USP48: variants seen among roughly 807,000 people sequenced by gnomAD.
USP48 encodes the protein ubiquitin carboxyl-terminal hydrolase 48.
A neutral mutation model predicts 150.7 loss-of-function variants in USP48; 43 were observed. The observed-to-expected ratio is 0.29, with a 90% CI of 0.22 to 0.37. The LOEUF (loss-of-function observed/expected upper bound fraction) is 0.37, where lower values mean the gene tolerates loss of function less well. Ranked by LOEUF, USP48 falls within the 10% of genes least tolerant of loss-of-function variation. The pLI is 1.00. For synonymous variants in USP48, 396 were observed against 425.9 expected (o/e 0.93, Z 0.86); for missense variants, 813 against 1,249.6 (o/e 0.65, Z 5.27).
intron 22 of USP48, among the ~76,000 whole-genome samples, chr1:21,699,731 G>C (rs2152512122): frequency 6.6e-6 from 1 of 151,810 alleles, no homozygotes; most frequent in Admixed American, 6.6e-5. Flanking sequence ...GGCCAGGCTG[G>C]TGTCGAACTC....
At chr1:21,778,972 G>A (rs184362587) in intron 1 of USP48, among the ~76,000 whole-genome samples, 5 of 151,956 alleles carry the variant, frequency 3.3e-5, no homozygotes, top group East Asian at 1.9e-4. Flanking sequence ...TAGTAGAGAC[G>A]GAGTTTCACC....
intron 1 of USP48, among the ~76,000 whole-genome samples, chr1:21,771,145 T>C (rs534228207): frequency 6.6e-6 from 1 of 151,768 alleles, no homozygotes; most frequent in East Asian, 1.9e-4. Context: ...AAAATACAAA[T>C]AATTTTTTAA....
chr1:21,721,186 T>C lies in USP48; in HGVS notation c.1764-20A>G. The C allele has an allele frequency of 1.2e-6, 2 of 1,613,072 alleles. No homozygotes were observed. The highest frequency in any genetic ancestry group is 8.5e-7 in the Non-Finnish European group (1 of 1,179,378). ...TCGCTGCTGTGGAACAGAGAGAATG[T>C]TAAATCATATAAGTAATATTTCCAA... is the stretch of plus-strand genomic sequence containing the variant. On this transcript the variant is annotated intron_variant, in intron 13 of 26. Transcript: ENST00000308271.
chr1:21,714,554 C>G (rs192222573), intron 15 of USP48, among the ~76,000 whole-genome samples: 1 of 152,276 alleles, frequency 6.6e-6, no homozygotes, highest in African/African-American at 2.4e-5. Context: ...CAAGCTACAG[C>G]ACTCAGTGCT....
intron 8 of USP48, among the ~76,000 whole-genome samples, chr1:21,746,334 G>T (rs2097794477): frequency 6.6e-6 from 1 of 152,102 alleles, no homozygotes; most frequent in Non-Finnish European, 1.5e-5. Context: ...ACCCTAAAGT[G>T]CAAAAATTAG....
At chr1:21,775,043 T>C (rs1039074025) in intron 1 of USP48, among the ~76,000 whole-genome samples, 1 of 151,354 alleles carries the variant, frequency 6.6e-6, no homozygotes, top group African/African-American at 2.4e-5. Flanking sequence ...ATAAGGCAGC[T>C]CTACATGCAT....
At position 21,721,066 on chromosome 1, in the gene USP48, C is replaced by T. The variant is rs764335196; in HGVS notation, c.1864G>A (p.Gly622Arg). 21 of 1,614,228 alleles carry T rather than the reference C, an allele frequency of 1.3e-5. No individual in the cohort carries two copies. Among genetic ancestry groups the T allele is most frequent in the Non-Finnish European group, 1.7e-5 (20 of 1,180,032 alleles). ...TTTAAGGTGCTACCGTTCATCTTTC[C>T]GTTGCTTTGTTCTGCATCACCATCT... The part of the protein sequence containing the change: ...EQDGDAEQSN[G>R]KMNGSTLNKD... The change falls in exon 14 of 27, where the codon GGA becomes AGA. Residue 622 changes from glycine to arginine, a missense_variant. Gly to Arg is a moderately radical substitution (Grantham distance 125). Transcript: ENST00000308271.
At chr1:21,697,722 G>A (rs1048576678) in intron 22 of USP48, among the ~76,000 whole-genome samples, 1 of 150,962 alleles carries the variant, frequency 6.6e-6, no homozygotes, top group Non-Finnish European at 1.5e-5. Flanking sequence ...CTACAATCAG[G>A]AATATAAAGA....
intron 14 of USP48, among the ~76,000 whole-genome samples, chr1:21,715,679 G>A (rs1405300383): frequency 6.6e-6 from 1 of 152,146 alleles, no homozygotes; most frequent in African/African-American, 2.4e-5. Flanking sequence ...AAAGATTTAG[G>A]TTATGCAAGA....
At chr1:21,749,920 T>C (rs927763044) in intron 6 of USP48, among the ~76,000 whole-genome samples, 2 of 152,208 alleles carry the variant, frequency 1.3e-5, no homozygotes, top group Admixed American at 6.5e-5. Flanking sequence ...GCAAATTTTA[T>C]CTGCTCTTAG....
intron 3 of USP48, among the ~76,000 whole-genome samples, chr1:21,756,095 G>T (rs1401251696): frequency 6.6e-6 from 1 of 151,808 alleles, no homozygotes; most frequent in East Asian, 1.9e-4. Context: ...AACCTGAGAG[G>T]CGGAGGTTGT....
chr1:21,680,967 T>C (rs887827977), intron 25 of USP48, 133 bp from the exon 26 acceptor site: 1 of 661,846 alleles, frequency 1.5e-6, no homozygotes, highest in Non-Finnish European at 2.5e-6. Flanking sequence ...TAATCATCTT[T>C]GAAGTTACGG....
rs916624687 is a variant in USP48 at position 21,762,210 on chromosome 1, T to G, written c.135-4427A>C. 1.3e-5 allele frequency among the ~76,000 whole-genome samples: 2 copies of G among 151,942 alleles called. 1 individual carries two copies. The highest frequency in any genetic ancestry group is 4.8e-5 in the African/African-American group (2 of 41,348). ...TGAACCAGGAAGGCAGGGTTTGCAGTGAGCTGTGATCGCACCAGTGCATTC... is the reference window on the plus strand; with the variant it reads ...TGAACCAGGAAGGCAGGGTTTGCAGGGAGCTGTGATCGCACCAGTGCATTC... On this transcript the variant is annotated intron_variant, in intron 1 of 26. Coordinates refer to ENST00000308271, the MANE Select transcript of USP48 (RefSeq NM_032236.8).
intron 9 of USP48, among the ~76,000 whole-genome samples, chr1:21,731,971 C>T (rs2097757979): frequency 1.3e-5 from 2 of 152,072 alleles, no homozygotes; most frequent in African/African-American, 4.8e-5. Context: ...TTTCAGATGG[C>T]AACTATAGCA....
chr1:21,697,438 C>T (rs530497444), intron 22 of USP48, among the ~76,000 whole-genome samples: 6 of 152,078 alleles, frequency 3.9e-5, no homozygotes, highest in South Asian at 2.1e-4. Flanking sequence ...CCAAGGTGGG[C>T]GGATCACAAG....
In USP48 at chr1:21,755,050, A is replaced by G. The variant is rs1175162657; in HGVS notation, c.412+1496T>C. On this transcript the variant is annotated intron_variant, in intron 3 of 26. Transcript: ENST00000308271. Reference sequence around the variant, plus strand: ...CCTTGTATTCTTTAAAATCCTCTTTAATCTTTAACTCTTATTAATCAATTC... The same window carrying G: ...CCTTGTATTCTTTAAAATCCTCTTTGATCTTTAACTCTTATTAATCAATTC... Among the ~76,000 whole-genome samples the G allele has an allele frequency of 2.0e-5, 3 of 152,128 alleles. No individual in the cohort carries two copies. The East Asian group carries it at 5.8e-4, about 29-fold the overall frequency.
rs2097674084 is a variant in USP48, at chr1:21,706,844, T to C, written c.1988A>G (p.Glu663Gly). The change falls in exon 16 of 27, where the codon GAA becomes GGA. Residue 663 changes from glutamate to glycine, a missense_variant. By Grantham distance (98) the Glu-to-Gly change is moderately conservative. Coordinates refer to ENST00000308271, the MANE Select transcript of USP48 (RefSeq NM_032236.8). Reference protein sequence around the residue: ...PHGELCISENERRLVSKEAWS... With the variant: ...PHGELCISENGRRLVSKEAWS... ...AGCCTCTTTAGAAACAAGCCTTCTT[T>C]CATTTTCAGATATGCATAACTCACC... The C allele has an allele frequency of 6.2e-7, 1 of 1,613,546 alleles. No individual in the cohort carries two copies. Among genetic ancestry groups the C allele is most frequent in the Non-Finnish European group, 8.5e-7 (1 of 1,179,784 alleles).
chr1:21,745,248 C>T (rs561952345), intron 8 of USP48, among the ~76,000 whole-genome samples: 1 of 152,148 alleles, frequency 6.6e-6, no homozygotes, highest in Non-Finnish European at 1.5e-5. Flanking sequence ...ATTGCTTTTA[C>T]CAGTCCTAAC....
In USP48 at chr1:21,783,115, G is replaced by A. The variant is rs573147667; in HGVS notation, c.-158C>T. The A allele has an allele frequency of 1.0e-5, 11 of 1,085,568 alleles. No homozygotes were observed. In the African/African-American group the frequency reaches 1.2e-4, roughly 12 times the overall value. 67.2% of individuals were successfully genotyped at this position (1,085,568 alleles called of 1,614,324 possible). A position where few individuals can be genotyped will look rare whatever the true frequency, so the allele number is the denominator to read the frequency against. On this transcript the variant is annotated 5_prime_UTR_variant, in exon 1 of 27. Transcript: ENST00000308271. ...ATCACCTGTGCGCGCCACTGCCGCC[G>A]CGCCCGCCCGCGCCCGACCCGCACG...
Sources: gnomAD v4.1 joint callset for allele counts (sites outside exome capture counted in the v4.1 genomes callset) on GRCh38, gnomAD v4.1.1 for gene constraint, MANE v1.5 for transcripts, NCBI Gene and HGNC (gene_info 2026-07-23, HGNC 2026-07-21) for gene names.